Variants in LCLAT1 observed in about 807,000 individuals in gnomAD.
LCLAT1 encodes 1-AGP acyltransferase 8.
Under a neutral mutation model 30.7 loss-of-function variants are expected in LCLAT1, and 11 were observed. The ratio of observed to expected loss-of-function variants is 0.36; its 90% CI spans 0.23 to 0.59. LCLAT1 has a LOEUF of 0.59. Among genes scored for constraint, LCLAT1 ranks in the 20% least tolerant of loss-of-function variants. The pLI is 0.77. For synonymous variants in LCLAT1, 155 were observed against 151.3 expected, an observed-to-expected ratio of 1.02 and a Z score of -0.18; for missense variants, 402 against 458.6, an observed-to-expected ratio of 0.88 and a Z score of 1.13.
chr2:30,622,595 A>G (rs1040518796), intron 5 of LCLAT1, among the ~76,000 whole-genome samples: 3 of 152,164 alleles, frequency 2.0e-5, no homozygotes, highest in Non-Finnish European at 4.4e-5. Flanking sequence ...GCTGGTATCC[A>G]CGACTGAGAC....
intron 5 of LCLAT1, among the ~76,000 whole-genome samples, chr2:30,632,780 T>TG: frequency 6.6e-6 from 1 of 152,230 alleles, no homozygotes; most frequent in Non-Finnish European, 1.5e-5. Flanking sequence ...AGGCTTATAG[T>TG]GAGCATGCCA....
rs140256133 is a variant in LCLAT1, at chr2:30,536,404, C to T, written c.364+3090C>T. 1.0e-3 allele frequency among the ~76,000 whole-genome samples: 156 copies of T among 152,278 alleles called. 1 individual carries two copies. The highest frequency in any genetic ancestry group is 3.7e-3 in the African/African-American group (154 of 41,560). Reference sequence around the variant, plus strand: ...ACAGCTAGAGAAAGGTGTCGAATCACATAAAAGGGAATCCCCATCAGACTA... The same window carrying T: ...ACAGCTAGAGAAAGGTGTCGAATCATATAAAAGGGAATCCCCATCAGACTA... On this transcript the variant is annotated intron_variant, in intron 3 of 5. Transcript: ENST00000379509.
chr2:30,637,164 A>G (rs1669076204), intron 5 of LCLAT1, among the ~76,000 whole-genome samples: 1 of 152,190 alleles, frequency 6.6e-6, no homozygotes, highest in African/African-American at 2.4e-5. Flanking sequence ...GCACTGAGGA[A>G]AGGCACCTAA....
intron 5 of LCLAT1, among the ~76,000 whole-genome samples, chr2:30,598,277 T>A (rs1299130341): frequency 6.6e-6 from 1 of 152,058 alleles, no homozygotes; most frequent in Non-Finnish European, 1.5e-5. Context: ...GTCCTGGGCT[T>A]TTTTTGGTTG....
At chr2:30,570,288 T>C (rs1014550875) in intron 5 of LCLAT1, among the ~76,000 whole-genome samples, 1 of 152,214 alleles carries the variant, frequency 6.6e-6, no homozygotes, top group African/African-American at 2.4e-5. Flanking sequence ...GATGATTCCA[T>C]TTATTTCAGT....
intron 3 of LCLAT1, among the ~76,000 whole-genome samples, chr2:30,534,219 C>CTGTGTGTGTG (rs57380693): frequency 2.7e-4 from 35 of 130,580 alleles, no homozygotes; most frequent in South Asian, 5.7e-4. Context: ...AGTTGATTTA[C>CTGTGTGTGTG]TGTGTGTGTG....
intron 5 of LCLAT1, among the ~76,000 whole-genome samples, chr2:30,613,438 A>G (rs1330869131): frequency 1.3e-5 from 2 of 152,108 alleles, no homozygotes; most frequent in East Asian, 3.9e-4. Context: ...GTTGCAAAAA[A>G]TGGCTGGATT....
intron 5 of LCLAT1, among the ~76,000 whole-genome samples, chr2:30,598,517 G>T (rs748222778): frequency 6.6e-6 from 1 of 150,784 alleles, no homozygotes. Flanking sequence ...TTTGTATTGC[G>T]TCTATTTGAT....
chr2:30,452,239 A>G (rs1054176698), intron 1 of LCLAT1, among the ~76,000 whole-genome samples: 11 of 152,238 alleles, frequency 7.2e-5, no homozygotes, highest in Non-Finnish European at 1.5e-4. Context: ...TAATAATAAA[A>G]AAGAGGCTCT....
intron 5 of LCLAT1, among the ~76,000 whole-genome samples, chr2:30,629,515 G>A (rs922461938): frequency 1.3e-4 from 20 of 152,176 alleles, no homozygotes; most frequent in African/African-American, 2.4e-4. Context: ...AGCTGAGATC[G>A]CGCCATTGCA....
intron 5 of LCLAT1, among the ~76,000 whole-genome samples, chr2:30,634,348 A>C (rs1314216155): frequency 6.6e-6 from 1 of 152,200 alleles, no homozygotes; most frequent in African/African-American, 2.4e-5. Context: ...CCATCTGGCC[A>C]TGCGCGGCGG....
At chr2:30,477,046 A>G (rs575582341) in intron 1 of LCLAT1, among the ~76,000 whole-genome samples, 4 of 152,328 alleles carry the variant, frequency 2.6e-5, no homozygotes, top group South Asian at 2.1e-4. Context: ...GAATGACACA[A>G]TCTTACCTTC....
chr2:30,618,016 A>C (rs997320550), intron 5 of LCLAT1, among the ~76,000 whole-genome samples: 1 of 152,124 alleles, frequency 6.6e-6, no homozygotes, highest in African/African-American at 2.4e-5. Context: ...TTTTCAGTTT[A>C]TGATTTGTGC....
chr2:30,483,162 G>C (rs912612614), intron 1 of LCLAT1, among the ~76,000 whole-genome samples: 1 of 152,100 alleles, frequency 6.6e-6, no homozygotes, highest in Non-Finnish European at 1.5e-5. Context: ...AGCATAGAGT[G>C]TATGGAAATT....
intron 5 of LCLAT1, among the ~76,000 whole-genome samples, chr2:30,633,429 C>T (rs541375364): frequency 6.6e-6 from 1 of 152,282 alleles, no homozygotes; most frequent in South Asian, 2.1e-4. Flanking sequence ...TGGCTCACGC[C>T]TGTAATCTCA....
At chr2:30,561,669 CA>C (rs1428776789) in intron 3 of LCLAT1, among the ~76,000 whole-genome samples, 8 of 152,188 alleles carry the variant, frequency 5.3e-5, no homozygotes, top group Admixed American at 2.0e-4. Flanking sequence ...TTGAAAATAG[CA>C]GTTGGATTTA....
intron 3 of LCLAT1, among the ~76,000 whole-genome samples, chr2:30,536,083 C>T (rs1256911180): frequency 1.3e-5 from 2 of 151,710 alleles, no homozygotes; most frequent in Non-Finnish European, 2.9e-5. Flanking sequence ...AACCTGAAAA[C>T]ACATGTTTTC....
chr2:30,558,839 C>T (rs1665062439), intron 3 of LCLAT1, among the ~76,000 whole-genome samples: 1 of 152,160 alleles, frequency 6.6e-6, no homozygotes, highest in Non-Finnish European at 1.5e-5. Context: ...TATGAGGCAT[C>T]AGTTTCACTG....
chr2:30,637,238 A>T (rs1431938409), intron 5 of LCLAT1, among the ~76,000 whole-genome samples: 1 of 152,016 alleles, frequency 6.6e-6, no homozygotes, highest in Non-Finnish European at 1.5e-5. Context: ...GCAGATAGAG[A>T]GTGCTCTAAA....
Sources: gnomAD v4.1 joint callset for allele counts (sites outside exome capture counted in the v4.1 genomes callset) on GRCh38, gnomAD v4.1.1 for gene constraint, MANE v1.5 for transcripts, NCBI Gene and HGNC (gene_info 2026-07-23, HGNC 2026-07-21) for gene names.